WWOX: variants seen among roughly 807,000 people sequenced by gnomAD.
WWOX encodes WW domain containing oxidoreductase.
A neutral mutation model predicts 46.2 loss-of-function variants in WWOX; 69 were observed. The observed-to-expected ratio is 1.49, with a 90% CI of 1.23 to 1.82. The LOEUF is 1.82. WWOX is among the 40% of genes most tolerant of loss of function. WWOX has a pLI of 0.00. For missense variants in WWOX, 919 were observed against 542.6 expected (o/e 1.69, Z -6.89); for synonymous variants, 359 against 202.6 (o/e 1.77, Z -6.56).
At chr16:78,692,028 T>A (rs150478275) in intron 8 of WWOX, among the ~76,000 whole-genome samples, 6 of 152,316 alleles carry the variant, frequency 3.9e-5, no homozygotes, top group South Asian at 4.1e-4. Context: ...ATGTAAGAAG[T>A]GCCTTTTGCC....
intron 8 of WWOX, among the ~76,000 whole-genome samples, chr16:78,915,795 T>C (rs140852970): frequency 1.3e-5 from 2 of 152,344 alleles, no homozygotes; most frequent in East Asian, 1.9e-4. Context: ...ATCGTTCACA[T>C]GTGTTTATAA....
chr16:78,311,997 C>G (rs62035725), intron 5 of WWOX, among the ~76,000 whole-genome samples: 1 of 152,162 alleles, frequency 6.6e-6, no homozygotes, highest in Non-Finnish European at 1.5e-5. Context: ...GTTACAGAGA[C>G]TGCCCATGTT....
chr16:78,539,420 G>A (rs886349874), intron 8 of WWOX, among the ~76,000 whole-genome samples: 2 of 152,186 alleles, frequency 1.3e-5, no homozygotes, highest in African/African-American at 4.8e-5. Flanking sequence ...ATTATTTTAG[G>A]GGGAGAGGTT....
In WWOX at chr16:79,013,013, G is replaced by A. The variant is rs185127550; in HGVS notation, c.1057-198595G>A. Among the ~76,000 whole-genome samples the A allele has an allele frequency of 1.8e-4, 28 of 152,314 alleles. 1 individual carries two copies. The highest frequency in any genetic ancestry group is 6.0e-4 in the African/African-American group (25 of 41,578). On this transcript the variant is annotated intron_variant, in intron 8 of 8. Transcript: ENST00000566780. ...AACCTGGGAGATTGGAGGTTGCAGT[G>A]AGCTGAGATCGTGCCACTGCATGTC...
intron 8 of WWOX, among the ~76,000 whole-genome samples, chr16:78,673,298 G>A (rs1474582875): frequency 6.6e-6 from 1 of 152,204 alleles, no homozygotes; most frequent in African/African-American, 2.4e-5. Context: ...CTTAGAGAGA[G>A]GATGCCCTGC....
intron 8 of WWOX, among the ~76,000 whole-genome samples, chr16:78,455,974 A>C (rs1176392788): frequency 6.6e-6 from 1 of 152,230 alleles, no homozygotes; most frequent in Non-Finnish European, 1.5e-5. Context: ...CAGTGGCTAT[A>C]GGCCAGGACC....
intron 4 of WWOX, among the ~76,000 whole-genome samples, chr16:78,144,097 C>T (rs1217058825): frequency 2.0e-5 from 3 of 152,020 alleles, no homozygotes; most frequent in Admixed American, 2.0e-4. Context: ...TTTCCACCTG[C>T]CCCTTGGCTC....
At chr16:78,748,083 C>G (rs1409210391) in intron 8 of WWOX, among the ~76,000 whole-genome samples, 3 of 152,126 alleles carry the variant, frequency 2.0e-5, no homozygotes, top group African/African-American at 4.8e-5. Flanking sequence ...AGTTTTTTCA[C>G]AGACTCTGCT....
chr16:78,722,477 G>T (rs1246000655), intron 8 of WWOX, among the ~76,000 whole-genome samples: 4 of 152,158 alleles, frequency 2.6e-5, no homozygotes, highest in Non-Finnish European at 4.4e-5. Flanking sequence ...CACATAGGAA[G>T]CATCCAGTAA....
At chr16:78,843,312 T>G (rs953770451) in intron 8 of WWOX, among the ~76,000 whole-genome samples, 2 of 150,294 alleles carry the variant, frequency 1.3e-5, no homozygotes, top group South Asian at 2.2e-4. Context: ...TCTTACTTTT[T>G]GGGCTGGTAA....
At chr16:78,528,907 A>T (rs2043549432) in intron 8 of WWOX, among the ~76,000 whole-genome samples, 1 of 151,894 alleles carries the variant, frequency 6.6e-6, no homozygotes, top group Admixed American at 6.6e-5. Context: ...TTGTTTAGAA[A>T]AAAACTTTCT....
chr16:78,196,787 A>G (rs750929691), intron 5 of WWOX, among the ~76,000 whole-genome samples: 2 of 152,182 alleles, frequency 1.3e-5, no homozygotes, highest in Non-Finnish European at 2.9e-5. Context: ...TGCATTGTAA[A>G]ATCAGCAGGT....
At chr16:78,703,885 T>C (rs2048278587) in intron 8 of WWOX, among the ~76,000 whole-genome samples, 1 of 152,136 alleles carries the variant, frequency 6.6e-6, no homozygotes, top group Non-Finnish European at 1.5e-5. Flanking sequence ...ATCTTCTCAA[T>C]CTCTCAGTGG....
At chr16:78,569,834 C>T (rs939133548) in intron 8 of WWOX, among the ~76,000 whole-genome samples, 8 of 152,286 alleles carry the variant, frequency 5.3e-5, no homozygotes, top group Admixed American at 3.9e-4. Context: ...AAACCATATT[C>T]GTAATATGAT....
intron 6 of WWOX, among the ~76,000 whole-genome samples, chr16:78,424,241 C>T (rs1305972739): frequency 1.3e-5 from 2 of 151,510 alleles, no homozygotes; most frequent in Non-Finnish European, 2.9e-5. Context: ...CCTCAGCCTC[C>T]TGAGTAACTG....
At chr16:78,254,122 G>C (rs2038059400) in intron 5 of WWOX, among the ~76,000 whole-genome samples, 1 of 151,922 alleles carries the variant, frequency 6.6e-6, no homozygotes, top group South Asian at 2.1e-4. Context: ...TCAGGCTAGA[G>C]TGCAGTGGCG....
chr16:79,076,961 G>A (rs1043994116), intron 8 of WWOX, among the ~76,000 whole-genome samples: 2 of 152,142 alleles, frequency 1.3e-5, no homozygotes, highest in African/African-American at 4.8e-5. Flanking sequence ...TATTTTGCAG[G>A]TGAGGCTTAA....
chr16:78,959,516 C>T (rs1597207977), intron 8 of WWOX, among the ~76,000 whole-genome samples: 1 of 152,290 alleles, frequency 6.6e-6, no homozygotes, highest in East Asian at 1.9e-4. Context: ...TTCACTCATG[C>T]ATTCATCCAC....
At chr16:78,863,502 C>G (rs1469620363) in intron 8 of WWOX, among the ~76,000 whole-genome samples, 1 of 152,180 alleles carries the variant, frequency 6.6e-6, no homozygotes, top group Non-Finnish European at 1.5e-5. Flanking sequence ...CCACTGGTCC[C>G]TGCTGATTTA....
Sources: allele counts gnomAD v4.1 joint callset (sites outside exome capture counted in the v4.1 genomes callset), GRCh38; gene constraint gnomAD v4.1.1; transcripts MANE v1.5; gene names NCBI Gene and HGNC (gene_info 2026-07-23, HGNC 2026-07-21).